The following EXOC4 variants were observed in gnomAD, a reference collection of about 807,000 sequenced individuals.
EXOC4 encodes the protein exocyst complex component 4, also known as SEC8-like 1.
In EXOC4, 71 loss-of-function variants were observed where a neutral mutation model predicts 107.2. That is an observed-to-expected ratio of 0.66 (90% CI 0.55 to 0.81). EXOC4 has a LOEUF of 0.81. EXOC4 is among the 30% of genes least tolerant of loss of function. EXOC4 has a pLI of 0.00. For synonymous variants in EXOC4, 456 were observed against 441.2 expected, an observed-to-expected ratio of 1.03 and a Z score of -0.42; for missense variants, 1,108 against 1,189.6, an observed-to-expected ratio of 0.93 and a Z score of 1.01.
At chr7:133,975,751 A>G (rs916018993) in intron 14 of EXOC4, among the ~76,000 whole-genome samples, 25 of 146,406 alleles carry the variant, frequency 1.7e-4, no homozygotes, top group South Asian at 4.2e-4. Flanking sequence ...GTGTGCACAC[A>G]CACACACACA....
intron 9 of EXOC4, among the ~76,000 whole-genome samples, chr7:133,526,241 G>A (rs991063681): frequency 6.6e-6 from 1 of 152,122 alleles, no homozygotes; most frequent in African/African-American, 2.4e-5. Flanking sequence ...TAAACCAAAG[G>A]ATAAATCAGT....
intron 12 of EXOC4, among the ~76,000 whole-genome samples, chr7:133,904,363 C>G (rs747122477): frequency 7.2e-5 from 11 of 152,162 alleles, no homozygotes; most frequent in Non-Finnish European, 1.5e-4. Flanking sequence ...CCTGCGCTGT[C>G]TGTCCGTTCT....
chr7:133,521,841 G>A (rs1162678662), intron 9 of EXOC4, among the ~76,000 whole-genome samples: 1 of 151,962 alleles, frequency 6.6e-6, no homozygotes, highest in African/African-American at 2.4e-5. Context: ...GGATGGTCTC[G>A]ATCTGCTGAC....
At chr7:133,452,241 T>C (rs1389719597) in intron 7 of EXOC4, among the ~76,000 whole-genome samples, 2 of 152,146 alleles carry the variant, frequency 1.3e-5, no homozygotes, top group African/African-American at 4.8e-5. Context: ...AGCAGCATTA[T>C]TAGTAAATAT....
rs35334259 is a variant in EXOC4 at position 133,412,278 on chromosome 7, G to GTTTTTTTTTTTTTTTT, written c.1182+37284_1182+37299dup. On this transcript the variant is annotated intron_variant, in intron 7 of 17. Transcript: ENST00000253861. The stretch of plus-strand genomic sequence containing the variant: ...ATCTGGTCAATACTGTCAGAATTCA[G>GTTTTTTTTTTTTTTTT]TTTTTTTTTTTTTTTTTTTTTTTGC... Among the ~76,000 whole-genome samples, 47 of 71,480 alleles carry GTTTTTTTTTTTTTTTT rather than the reference G, an allele frequency of 6.6e-4. 3 individuals are homozygous for GTTTTTTTTTTTTTTTT. The highest frequency in any genetic ancestry group is 7.8e-4 in the Non-Finnish European group (32 of 41,022). 46.9% of individuals were successfully genotyped at this position (71,480 alleles called of 152,430 possible).
intron 7 of EXOC4, among the ~76,000 whole-genome samples, chr7:133,403,638 G>A (rs1401230282): frequency 6.6e-6 from 1 of 152,112 alleles, no homozygotes; most frequent in Non-Finnish European, 1.5e-5. Flanking sequence ...GCATCAAAAA[G>A]CCCCACATTG....
intron 5 of EXOC4, among the ~76,000 whole-genome samples, chr7:133,327,401 AT>A (rs375018542): frequency 1.3e-5 from 2 of 151,840 alleles, no homozygotes; most frequent in African/African-American, 4.8e-5. Context: ...GGATTCATTG[AT>A]TTTTTTTGAA....
At chr7:133,797,078 C>G (rs1796832664) in intron 10 of EXOC4, among the ~76,000 whole-genome samples, 1 of 152,180 alleles carries the variant, frequency 6.6e-6, no homozygotes, top group African/African-American at 2.4e-5. Flanking sequence ...AACCACCACA[C>G]AGAATGCATG....
chr7:133,374,791 G>A (rs756029623), intron 6 of EXOC4, 37 bp from the exon 7 acceptor site: 17 of 1,566,072 alleles, frequency 1.1e-5, no homozygotes, highest in South Asian at 6.8e-5. Flanking sequence ...CTGCGTGTAC[G>A]TATGTGTAAA....
chr7:133,580,730 A>G (rs1269078034), intron 9 of EXOC4, among the ~76,000 whole-genome samples: 1 of 152,236 alleles, frequency 6.6e-6, no homozygotes, highest in Non-Finnish European at 1.5e-5. Context: ...ACATATGTGT[A>G]GATAACTGTC....
intron 9 of EXOC4, among the ~76,000 whole-genome samples, chr7:133,549,934 G>C (rs576253165): frequency 1.4e-4 from 22 of 152,078 alleles, no homozygotes; most frequent in Non-Finnish European, 2.4e-4. Context: ...TGTCATTTTT[G>C]TTCTTTCACA....
intron 13 of EXOC4, among the ~76,000 whole-genome samples, chr7:133,934,561 C>T (rs894672500): frequency 5.9e-5 from 9 of 152,170 alleles, no homozygotes; most frequent in Admixed American, 1.3e-4. Flanking sequence ...GGCCCAAGAT[C>T]CCCACTCAAG....
the EXOC4 span, among the ~76,000 whole-genome samples, chr7:134,086,095 G>C: frequency 6.6e-6 from 1 of 152,166 alleles, no homozygotes; most frequent in Non-Finnish European, 1.5e-5. Context: ...GAAAATCTCT[G>C]TTCAGTCATT....
intron 5 of EXOC4, among the ~76,000 whole-genome samples, chr7:133,332,904 A>G (rs1468995016): frequency 6.6e-6 from 1 of 152,102 alleles, no homozygotes; most frequent in Non-Finnish European, 1.5e-5. Flanking sequence ...GGGAAGTTAT[A>G]GATTATATTT....
At chr7:133,478,422 G>A (rs768466063) in intron 8 of EXOC4, among the ~76,000 whole-genome samples, 10 of 152,044 alleles carry the variant, frequency 6.6e-5, no homozygotes, top group East Asian at 5.8e-4. Flanking sequence ...GAATTAGGCC[G>A]TTATTACAGA....
At chr7:133,436,733 A>G (rs1797985015) in intron 7 of EXOC4, among the ~76,000 whole-genome samples, 2 of 152,176 alleles carry the variant, frequency 1.3e-5, no homozygotes, top group South Asian at 2.1e-4. Flanking sequence ...TGTGCACTAT[A>G]TGGAATGCAC....
chr7:133,846,266 T>A (rs1326104176), intron 11 of EXOC4, among the ~76,000 whole-genome samples: 1 of 152,218 alleles, frequency 6.6e-6, no homozygotes, highest in East Asian at 1.9e-4. Flanking sequence ...AGTCTTTAGT[T>A]CAATCTTTCT....
chr7:133,407,533 A>C (rs1797249581), intron 7 of EXOC4, among the ~76,000 whole-genome samples: 1 of 152,194 alleles, frequency 6.6e-6, no homozygotes, highest in Admixed American at 6.5e-5. Context: ...TATGGCCTAA[A>C]GGTAAAAGAA....
At chr7:133,538,856 A>AG (rs1491578358) in intron 9 of EXOC4, among the ~76,000 whole-genome samples, 1,191 of 34,708 alleles carry the variant, frequency 0.034, 31 homozygotes, top group African/African-American at 0.083. Context: ...AGAAAGAAAG[A>AG]AAGAGAGAGA....
Sources: gnomAD v4.1 joint callset for allele counts (sites outside exome capture counted in the v4.1 genomes callset) on GRCh38, gnomAD v4.1.1 for gene constraint, MANE v1.5 for transcripts, NCBI Gene and HGNC (gene_info 2026-07-23, HGNC 2026-07-21) for gene names.